Variants in ADGRF5 observed in about 807,000 individuals in gnomAD.
ADGRF5 encodes adhesion G protein-coupled receptor F5, also known as G-protein coupled receptor 116.
In ADGRF5, 75 loss-of-function variants were observed where a neutral mutation model predicts 132.3. That is an observed-to-expected ratio of 0.57 (90% CI 0.47 to 0.69). ADGRF5 has a LOEUF of 0.69. Ranked by LOEUF, ADGRF5 falls within the 30% of genes least tolerant of loss-of-function variation. The pLI is 0.00. For missense variants in ADGRF5, 1,516 were observed against 1,630.6 expected, an observed-to-expected ratio of 0.93 and a Z score of 1.21; for synonymous variants, 629 against 597.6, an observed-to-expected ratio of 1.05 and a Z score of -0.77.
At chr6:46,924,032 GTC>G (rs1452699646), upstream of ADGRF5, among the ~76,000 whole-genome samples, 3 of 152,174 alleles carry the variant, frequency 2.0e-5, no homozygotes, top group Admixed American at 2.0e-4. Context: ...GTAAGGTACA[GTC>G]TCATTAGAGA....
rs115796957 is a variant in ADGRF5, at chr6:46,947,485, C to T, written c.-25+7249G>A. ...ATATGTGCACATCTGCGGGTGCACA[C>T]CACTACCAAAACCCAAACATCTTTT... On this transcript the variant is annotated intron_variant, in intron 1 of 20. Coordinates refer to the ADGRF5 transcript ENST00000265417. 2.5e-3 allele frequency among the ~76,000 whole-genome samples: 379 copies of T among 152,334 alleles called. 5 individuals carry two copies. Among genetic ancestry groups the T allele is most frequent in the African/African-American group, 8.8e-3 (365 of 41,570 alleles).
chr6:46,856,757 A>G lies in ADGRF5; in HGVS notation c.3837T>C (p.Asn1279=). 1 of 1,587,406 alleles carries G rather than the reference A, an allele frequency of 6.3e-7. No individual in the cohort carries two copies. Among genetic ancestry groups the G allele is most frequent in the Non-Finnish European group, 8.6e-7 (1 of 1,157,406 alleles). Residue 1279 remains asparagine (N), a synonymous_variant, in exon 19 of 21, where the codon AAT becomes AAC. Coordinates refer to ENST00000283296, the MANE Select transcript of ADGRF5 (RefSeq NM_001098518.2). Reference sequence around the variant, plus strand: ...AAGACCATCTCGACAATGAAAACTTATTCAGCAAAGCTTCCTGTACCTGCA... The same window carrying G: ...AAGACCATCTCGACAATGAAAACTTGTTCAGCAAAGCTTCCTGTACCTGCA... ...WDLKVQEALL[N]KFSLSRWSSQ...
At chr6:46,882,176 C>T (rs1772551785) in intron 6 of ADGRF5, 69 bp from the exon 7 acceptor site, 1 of 1,066,094 alleles carries the variant, frequency 9.4e-7, no homozygotes, top group African/African-American at 1.6e-5. Context: ...AGATCTGAAG[C>T]AGAGTAAAAA....
intron 10 of ADGRF5, among the ~76,000 whole-genome samples, chr6:46,872,464 A>T (rs1771186873): frequency 1.3e-5 from 2 of 152,240 alleles, no homozygotes; most frequent in Non-Finnish European, 2.9e-5. Flanking sequence ...AACTGGAAGA[A>T]CAGATGTCAG....
At chr6:46,863,349 T>G (rs1408860328) in intron 14 of ADGRF5, 2 of 559,470 alleles carry the variant, frequency 3.6e-6, no homozygotes, top group Non-Finnish European at 6.8e-6. Context: ...CATCTGGAGA[T>G]TCTCAACTGT....
At chr6:46,911,825 A>G (rs1201295077) in intron 1 of ADGRF5, among the ~76,000 whole-genome samples, 2 of 152,194 alleles carry the variant, frequency 1.3e-5, no homozygotes, top group East Asian at 1.9e-4. Flanking sequence ...AAACAAGACA[A>G]CGGTCCCTGT....
At chr6:46,948,858 TA>T (rs1261257236) in intron 1 of ADGRF5, among the ~76,000 whole-genome samples, 1 of 152,158 alleles carries the variant, frequency 6.6e-6, no homozygotes, top group Non-Finnish European at 1.5e-5. Flanking sequence ...TTCCAGATTT[TA>T]CTCTAGGCGG....
chr6:46,916,128 T>C (rs572185584), intron 1 of ADGRF5, among the ~76,000 whole-genome samples: 1 of 152,366 alleles, frequency 6.6e-6, no homozygotes, highest in Admixed American at 6.5e-5. Context: ...ATAGTTTTAA[T>C]TGTCAGTTTA....
chr6:46,881,847 A>G (rs1344752167), intron 7 of ADGRF5, among the ~76,000 whole-genome samples: 1 of 152,192 alleles, frequency 6.6e-6, no homozygotes, highest in East Asian at 1.9e-4. Flanking sequence ...TTTTTTGCAC[A>G]TATATAGAAT....
At chr6:46,883,898 C>T (rs953215450) in intron 5 of ADGRF5, among the ~76,000 whole-genome samples, 197 bp downstream of exon 5, 3 of 152,166 alleles carry the variant, frequency 2.0e-5, no homozygotes, top group African/African-American at 7.2e-5. Context: ...TGTGCCACCA[C>T]ATCCAGCTAA....
At chr6:46,954,491 C>T (rs1303322669) in intron 1 of ADGRF5, among the ~76,000 whole-genome samples, 2 of 150,794 alleles carry the variant, frequency 1.3e-5, no homozygotes, top group Admixed American at 6.6e-5. Flanking sequence ...AAATAAGAAT[C>T]GACACCATGA....
chr6:46,860,129 C>T (rs1769567802), intron 16 of ADGRF5, among the ~76,000 whole-genome samples: 1 of 152,112 alleles, frequency 6.6e-6, no homozygotes, highest in South Asian at 2.1e-4. Flanking sequence ...TGACTGGTCC[C>T]GCCTCTAAGT....
At chr6:46,862,347 G>T (rs1205378053) in intron 15 of ADGRF5, among the ~76,000 whole-genome samples, 2 of 152,150 alleles carry the variant, frequency 1.3e-5, no homozygotes, top group Non-Finnish European at 2.9e-5. Flanking sequence ...AGGAACTTCT[G>T]CCCTGTTACA....
intron 1 of ADGRF5, among the ~76,000 whole-genome samples, chr6:46,948,279 A>G (rs548583874): frequency 6.6e-6 from 1 of 152,328 alleles, no homozygotes; most frequent in Non-Finnish European, 1.5e-5. Context: ...ACATGTTAGG[A>G]CCAAGATGCA....
upstream of ADGRF5, among the ~76,000 whole-genome samples, chr6:46,923,505 C>G (rs942396833): frequency 6.6e-6 from 1 of 152,124 alleles, no homozygotes; most frequent in African/African-American, 2.4e-5. Context: ...TATTCCACTT[C>G]TAGATAATGA....
chr6:46,940,426 T>C lies in ADGRF5; in HGVS notation c.-25+14308A>G, dbSNP rs372480031. Among the ~76,000 whole-genome samples the C allele has an allele frequency of 1.1e-4, 17 of 152,308 alleles. No homozygotes were observed. The East Asian group carries it at 2.9e-3, about 26-fold the overall frequency. On this transcript the variant is annotated intron_variant, in intron 1 of 20. Transcript: ENST00000265417. The stretch of plus-strand genomic sequence containing the variant: ...CCCTATCCATCCTTCCAATTCTCCT[T>C]CTTTTGAGGGCATTTTGGATTTCCC...
chr6:46,883,805 G>T (rs1352050208), intron 5 of ADGRF5, 140 bp from the exon 6 acceptor site: 2 of 607,344 alleles, frequency 3.3e-6, no homozygotes, highest in South Asian at 4.3e-5. Flanking sequence ...GCAACGGCAC[G>T]ATCTCAGCTC....
chr6:46,899,097 C>G (rs1366734822), intron 3 of ADGRF5, among the ~76,000 whole-genome samples: 1 of 151,960 alleles, frequency 6.6e-6, no homozygotes, highest in Non-Finnish European at 1.5e-5. Context: ...GAATGGGAAC[C>G]CAGGAAAAGC....
At chr6:46,872,175 G>A (rs1369477290) in intron 10 of ADGRF5, among the ~76,000 whole-genome samples, 162 bp from the exon 11 acceptor site, 2 of 152,100 alleles carry the variant, frequency 1.3e-5, no homozygotes, top group Non-Finnish European at 2.9e-5. Context: ...TGCAGACTCT[G>A]TATCCAGGTT....
Sources: allele counts gnomAD v4.1 joint callset (sites outside exome capture counted in the v4.1 genomes callset), GRCh38; gene constraint gnomAD v4.1.1; transcripts MANE v1.5; gene names NCBI Gene and HGNC (gene_info 2026-07-23, HGNC 2026-07-21).